The following MVB12B variants were observed in gnomAD, a reference collection of about 807,000 sequenced individuals.
MVB12B encodes multivesicular body subunit 12B.
MVB12B carries 16 observed loss-of-function variants against 41.6 expected under a neutral mutation model. The observed-to-expected ratio is 0.38, with a 90% CI of 0.26 to 0.58. The LOEUF is 0.58. Ranked by LOEUF, MVB12B falls within the 20% of genes least tolerant of loss-of-function variation. MVB12B has a pLI of 0.62. For synonymous variants in MVB12B, 133 were observed against 139.7 expected (o/e 0.95, Z 0.34); for missense variants, 274 against 380.2 (o/e 0.72, Z 2.32).
In MVB12B at chr9:126,343,941, T is replaced by C. The variant is rs1829518939; in HGVS notation, c.204+3311T>C. Among the ~76,000 whole-genome samples the C allele has an allele frequency of 2.0e-5, 3 of 151,308 alleles. No individual in the cohort carries two copies. In the South Asian group the frequency reaches 6.2e-4, roughly 31 times the overall value. On this transcript the variant is annotated intron_variant, in intron 2 of 9. Transcript: ENST00000361171. ...CTAAATAAATAAATTAATTAATAAA[T>C]AAATGCCTACAACTCAGAGACTGAA...
intron 4 of MVB12B, among the ~76,000 whole-genome samples, chr9:126,390,322 A>G (rs1433337076): frequency 1.3e-5 from 2 of 152,040 alleles, no homozygotes; most frequent in African/African-American, 4.8e-5. Flanking sequence ...GGTTTCATTA[A>G]CTCCCTTTTA....
intron 1 of MVB12B, among the ~76,000 whole-genome samples, chr9:126,339,268 A>C (rs999193129): frequency 2.0e-5 from 3 of 152,220 alleles, no homozygotes; most frequent in Admixed American, 6.5e-5. Context: ...CTAGGCTAGA[A>C]GCAAGAATAT....
Position 126,392,282 on chromosome 9 carries a change from A to C in MVB12B, c.539+87A>C. 2.7e-6 allele frequency: 4 copies of C among 1,498,988 alleles called. No homozygotes were observed. The highest frequency in any genetic ancestry group is 3.7e-6 in the Non-Finnish European group (4 of 1,089,048). The allele number at this position is 1,498,988 out of a possible 1,614,324, so 92.9% of individuals were successfully genotyped here. The stretch of plus-strand genomic sequence containing the variant: ...AGGCAATGAGGTCCAAGAGATTTCC[A>C]TGCAGCCCCCCAGGCTCTCAGCCAT... On this transcript the variant is annotated intron_variant, in intron 5 of 9. Coordinates refer to ENST00000361171, the MANE Select transcript of MVB12B (RefSeq NM_033446.3). This position sits in a 1 kb window ranked among gnomAD's most constrained non-coding sequence, Gnocchi z 4.8.
chr9:126,489,614 G>A (rs741023), intron 9 of MVB12B, among the ~76,000 whole-genome samples: 31,183 of 152,082 alleles, frequency 0.21, 3,777 homozygotes, highest in South Asian at 0.28. Flanking sequence ...GTGGCTGAAA[G>A]TGAAGGAAGC....
At chr9:126,348,644 C>A (rs909563848) in intron 2 of MVB12B, among the ~76,000 whole-genome samples, 4 of 152,184 alleles carry the variant, frequency 2.6e-5, no homozygotes, top group African/African-American at 9.7e-5. Context: ...TTCCTAATTC[C>A]CTATTTAAAA....
At chr9:126,327,050 C>G (rs773124615) in intron 1 of MVB12B, 40 bp downstream of exon 1, 1,552 of 149,556 alleles carry the variant, frequency 0.01, 44 homozygotes, top group East Asian at 0.058. Context: ...TCGGCGGAGC[C>G]GGCCCTGCAG....
At position 126,495,608 on chromosome 9, in the gene MVB12B, C is replaced by T. The variant is rs576547079; in HGVS notation, c.874-7569C>T. 2.6e-5 allele frequency among the ~76,000 whole-genome samples: 4 copies of T among 152,224 alleles called. No homozygotes were observed. In the East Asian group the frequency reaches 5.8e-4, roughly 22 times the overall value. On this transcript the variant is annotated intron_variant, in intron 9 of 9. Coordinates refer to ENST00000361171, the MANE Select transcript of MVB12B (RefSeq NM_033446.3). ...GTGGACACTCTTCCCAGCTGGGCGC[C>T]GTGTAGGGAGTGCGGGGTACTGTGG...
At chr9:126,443,071 C>A (rs1832680298) in intron 7 of MVB12B, among the ~76,000 whole-genome samples, 1 of 152,172 alleles carries the variant, frequency 6.6e-6, no homozygotes. Context: ...TTTCCCTGTG[C>A]AGAATTTTAT....
chr9:126,408,893 A>G (rs1443966976), intron 6 of MVB12B, among the ~76,000 whole-genome samples: 1 of 152,196 alleles, frequency 6.6e-6, no homozygotes, highest in East Asian at 1.9e-4. Flanking sequence ...ATCTTGAAAG[A>G]AGAAAGAGTT....
chr9:126,413,849 T>A (rs10760431), intron 6 of MVB12B, among the ~76,000 whole-genome samples: 1 of 148,516 alleles, frequency 6.7e-6, no homozygotes, highest in South Asian at 2.2e-4. Context: ...TGTGTGTGTG[T>A]GTGTATAAGG....
At position 126,333,548 on chromosome 9, in the gene MVB12B, G is replaced by C. The variant is rs1031297985; in HGVS notation, c.81+6538G>C. 4.5e-4 allele frequency among the ~76,000 whole-genome samples: 68 copies of C among 151,796 alleles called. No individual in the cohort carries two copies. The highest frequency in any genetic ancestry group is 4.4e-4 in the Non-Finnish European group (30 of 67,994). The stretch of plus-strand genomic sequence containing the variant: ...CCCTCTCGAGTAGCTGGGATTACAG[G>C]CACCACCACCACACCCAGCTAATTT... On this transcript the variant is annotated intron_variant, in intron 1 of 9. Transcript: ENST00000361171. The surrounding 1 kb of genome is among the most constrained non-coding windows in gnomAD (Gnocchi z 4.7).
In MVB12B at chr9:126,392,945, A is replaced by C. The variant is rs1831000875; in HGVS notation, c.539+750A>C. On this transcript the variant is annotated intron_variant, in intron 5 of 9. Coordinates refer to ENST00000361171, the MANE Select transcript of MVB12B (RefSeq NM_033446.3). This position sits in a 1 kb window ranked among gnomAD's most constrained non-coding sequence, Gnocchi z 4.8. Reference sequence around the variant, plus strand: ...ACATGGCCTGGAGTTTATTCCAAGCACGCTAGAAAGTCAGTGGAGGGCTCC... The same window carrying C: ...ACATGGCCTGGAGTTTATTCCAAGCCCGCTAGAAAGTCAGTGGAGGGCTCC... 6.6e-6 allele frequency among the ~76,000 whole-genome samples: 1 copy of C among 152,216 alleles called. No homozygotes were observed. The highest frequency in any genetic ancestry group is 2.1e-4 in the South Asian group (1 of 4,824).
intron 7 of MVB12B, among the ~76,000 whole-genome samples, chr9:126,441,109 C>T (rs896498183): frequency 7.2e-5 from 11 of 152,204 alleles, no homozygotes; most frequent in African/African-American, 2.2e-4. Context: ...GTTTGTATTC[C>T]GTTTGGAGCA....
rs1212775974 is a variant in MVB12B, at chr9:126,420,320, C to G, written c.663-1534C>G. Among the ~76,000 whole-genome samples, 4 of 152,242 alleles carry G rather than the reference C, an allele frequency of 2.6e-5. No homozygotes were observed. The South Asian group carries it at 8.3e-4, about 31-fold the overall frequency. On this transcript the variant is annotated intron_variant, in intron 6 of 9. Coordinates refer to ENST00000361171, the MANE Select transcript of MVB12B (RefSeq NM_033446.3). The stretch of plus-strand genomic sequence containing the variant: ...CATGCACGCCAGTGCACCCGGTGGA[C>G]ACACTTACAGTGCATGTGTCTGCTG...
chr9:126,498,963 C>T (rs1197142895), intron 9 of MVB12B, among the ~76,000 whole-genome samples: 1 of 152,226 alleles, frequency 6.6e-6, no homozygotes, highest in African/African-American at 2.4e-5. Flanking sequence ...AGGTGGGGGC[C>T]ATGCATCACT....
chr9:126,449,735 G>A (rs970835681), intron 7 of MVB12B, among the ~76,000 whole-genome samples: 1 of 152,106 alleles, frequency 6.6e-6, no homozygotes, highest in Non-Finnish European at 1.5e-5. Flanking sequence ...TCTCCTGACT[G>A]GCCTTACCAT....
intron 2 of MVB12B, among the ~76,000 whole-genome samples, chr9:126,380,487 C>T (rs928226111): frequency 3.3e-5 from 5 of 152,188 alleles, no homozygotes; most frequent in Non-Finnish European, 5.9e-5. Flanking sequence ...TTTTGTTTTT[C>T]TATCCTGATC....
At chr9:126,440,621 C>T (rs2119137072) in intron 7 of MVB12B, among the ~76,000 whole-genome samples, 1 of 152,250 alleles carries the variant, frequency 6.6e-6, no homozygotes, top group South Asian at 2.1e-4. Context: ...CTCCAGGCCC[C>T]ACTTCTAAAC....
rs1017378938 is a variant in MVB12B at position 126,370,211 on chromosome 9, G to A, written c.205-10853G>A. Among the ~76,000 whole-genome samples the A allele has an allele frequency of 6.6e-5, 10 of 152,110 alleles. 1 individual carries two copies. The highest frequency in any genetic ancestry group is 3.9e-4 in the Admixed American group (6 of 15,268). ...AGGAATAGAATTGCCGGTCATTTTC[G>A]CCTTTCTGGATATGGACATGTGCCC... On this transcript the variant is annotated intron_variant, in intron 2 of 9. Transcript: ENST00000361171.
Sources: allele counts gnomAD v4.1 joint callset (sites outside exome capture counted in the v4.1 genomes callset), GRCh38; gene constraint gnomAD v4.1.1; non-coding constraint Gnocchi (gnomAD v3.1); transcripts MANE v1.5; gene names NCBI Gene and HGNC (gene_info 2026-07-23, HGNC 2026-07-21).